SHISA6: variants seen among roughly 807,000 people sequenced by gnomAD.
The protein encoded by SHISA6 is shisa family member 6.
A neutral mutation model predicts 47.9 loss-of-function variants in SHISA6; 22 were observed. The ratio of observed to expected loss-of-function variants is 0.46; its 90% CI spans 0.33 to 0.66. The LOEUF is 0.66. Among genes scored for constraint, SHISA6 ranks in the 30% least tolerant of loss-of-function variants. The pLI is 0.02. For missense variants in SHISA6, 680 were observed against 764.6 expected, an observed-to-expected ratio of 0.89 and a Z score of 1.30; for synonymous variants, 388 against 337.8, an observed-to-expected ratio of 1.15 and a Z score of -1.63.
intron 1 of SHISA6, among the ~76,000 whole-genome samples, chr17:11,257,952 A>G (rs1908079343): frequency 6.6e-6 from 1 of 152,228 alleles, no homozygotes; most frequent in Admixed American, 6.5e-5. Context: ...TGTGAAGAGA[A>G]CTAAAGATTA....
At chr17:11,534,110 G>C (rs1298217924) in intron 3 of SHISA6, among the ~76,000 whole-genome samples, 1 of 149,996 alleles carries the variant, frequency 6.7e-6, no homozygotes, top group Non-Finnish European at 1.5e-5. Flanking sequence ...TTCCCAAATA[G>C]CTGGGATTAC....
intron 2 of SHISA6, among the ~76,000 whole-genome samples, chr17:11,358,088 T>C (rs1380934088): frequency 2.6e-5 from 4 of 152,152 alleles, no homozygotes; most frequent in Non-Finnish European, 4.4e-5. Flanking sequence ...AAGTATACAG[T>C]TTACTGATGT....
rs75434872 is a variant in SHISA6 at position 11,363,287 on chromosome 17, G to T, written c.800-16127G>T. 9.7e-3 allele frequency among the ~76,000 whole-genome samples: 1,479 copies of T among 151,990 alleles called. 22 individuals carry two copies. Among genetic ancestry groups the T allele is most frequent in the African/African-American group, 0.034 (1,388 of 41,428 alleles). ...CTGGTGTCACATTCCCAATCTCTGG[G>T]AATAGTCTTGCTTGCAGAAGAGTGA... On this transcript the variant is annotated intron_variant, in intron 2 of 5. Transcript: ENST00000441885.
chr17:11,431,338 G>C (rs1434115109), intron 3 of SHISA6, among the ~76,000 whole-genome samples: 3 of 152,204 alleles, frequency 2.0e-5, no homozygotes, highest in Non-Finnish European at 4.4e-5. Context: ...GGAGCAGGAA[G>C]AGCTGCCCTT....
intron 3 of SHISA6, among the ~76,000 whole-genome samples, chr17:11,460,923 T>C (rs898053180): frequency 6.6e-6 from 1 of 152,252 alleles, no homozygotes; most frequent in Non-Finnish European, 1.5e-5. Context: ...ATGAATGGAT[T>C]GCAACTGGGA....
intron 1 of SHISA6, among the ~76,000 whole-genome samples, chr17:11,245,970 G>A (rs1037220898): frequency 5.3e-5 from 8 of 152,174 alleles, no homozygotes; most frequent in African/African-American, 1.7e-4. Flanking sequence ...CAGTGGCAGG[G>A]CCCCTTCGCT....
intron 3 of SHISA6, among the ~76,000 whole-genome samples, chr17:11,451,297 T>G (rs1359603600): frequency 6.6e-6 from 1 of 152,194 alleles, no homozygotes; most frequent in Non-Finnish European, 1.5e-5. Context: ...CACATCCAAC[T>G]GGCCTTTTCA....
intron 3 of SHISA6, among the ~76,000 whole-genome samples, chr17:11,428,003 A>G (rs1914650632): frequency 6.6e-6 from 1 of 152,196 alleles, no homozygotes; most frequent in Non-Finnish European, 1.5e-5. Flanking sequence ...AACACTCTGC[A>G]TGTAGAATGA....
chr17:11,356,262 A>G (rs1317843320), intron 2 of SHISA6, among the ~76,000 whole-genome samples: 1 of 152,186 alleles, frequency 6.6e-6, no homozygotes, highest in Non-Finnish European at 1.5e-5. Context: ...CAATCCACAA[A>G]GCATAAGTTA....
At chr17:11,510,547 G>A (rs2071533512) in intron 3 of SHISA6, among the ~76,000 whole-genome samples, 1 of 152,144 alleles carries the variant, frequency 6.6e-6, no homozygotes, top group Non-Finnish European at 1.5e-5. Flanking sequence ...ACAAACCCTG[G>A]GATCTGTTTG....
intron 3 of SHISA6, among the ~76,000 whole-genome samples, chr17:11,419,799 C>T (rs1403920911): frequency 1.3e-5 from 2 of 152,174 alleles, no homozygotes; most frequent in Non-Finnish European, 2.9e-5. Context: ...CACCTTTTCC[C>T]TGGATGACCT....
rs116465832 is a variant in SHISA6, at chr17:11,258,125, A to C, written c.639-5241A>C. On this transcript the variant is annotated intron_variant, in intron 1 of 5. Coordinates refer to ENST00000441885, the MANE Select transcript of SHISA6 (RefSeq NM_207386.4). ...ATTAACCAGAATAGCTTATTCACGG[A>C]ATAGTTCATCTATTTGGCCTTTTAT... Among the ~76,000 whole-genome samples, 904 of 152,342 alleles carry C rather than the reference A, an allele frequency of 5.9e-3. 7 individuals carry two copies. The highest frequency in any genetic ancestry group is 0.021 in the African/African-American group (859 of 41,596).
chr17:11,342,506 G>A (rs1332574223), intron 2 of SHISA6, among the ~76,000 whole-genome samples: 1 of 152,122 alleles, frequency 6.6e-6, no homozygotes, highest in African/African-American at 2.4e-5. Context: ...TCCCAAAGGG[G>A]TGAAAAAACA....
intron 3 of SHISA6, among the ~76,000 whole-genome samples, chr17:11,506,265 CTCTT>C (rs1449737508): frequency 6.6e-6 from 1 of 152,118 alleles, no homozygotes; most frequent in Non-Finnish European, 1.5e-5. Context: ...CTTCTTTTGC[CTCTT>C]TCTGTCTCTC....
intron 2 of SHISA6, among the ~76,000 whole-genome samples, chr17:11,366,102 C>T (rs1178048222): frequency 6.6e-6 from 1 of 152,192 alleles, no homozygotes; most frequent in Non-Finnish European, 1.5e-5. Context: ...GGGAGGGAAG[C>T]TGGCAGGGCC....
chr17:11,460,431 G>T (rs966692218), intron 3 of SHISA6, among the ~76,000 whole-genome samples: 3 of 152,150 alleles, frequency 2.0e-5, no homozygotes, highest in Non-Finnish European at 2.9e-5. Context: ...CACTCTTATT[G>T]CCCAGGCTGG....
intron 3 of SHISA6, among the ~76,000 whole-genome samples, chr17:11,383,400 A>G (rs571479265): frequency 1.4e-4 from 21 of 152,298 alleles, no homozygotes; most frequent in East Asian, 9.7e-4. Flanking sequence ...AATAGTCTCA[A>G]AGGAAGCCTG....
intron 3 of SHISA6, among the ~76,000 whole-genome samples, chr17:11,462,785 G>A (rs148078371): frequency 3.8e-4 from 58 of 152,054 alleles, no homozygotes; most frequent in Non-Finnish European, 6.8e-4. Context: ...GTGCCACCAT[G>A]CCTGGCTAAT....
At chr17:11,388,964 G>A (rs1913300003) in intron 3 of SHISA6, among the ~76,000 whole-genome samples, 1 of 151,744 alleles carries the variant, frequency 6.6e-6, no homozygotes, top group Non-Finnish European at 1.5e-5. Context: ...TATGGGTTCT[G>A]TTGACAAGGA....
Sources: allele counts gnomAD v4.1 joint callset (sites outside exome capture counted in the v4.1 genomes callset), GRCh38; gene constraint gnomAD v4.1.1; transcripts MANE v1.5; gene names NCBI Gene and HGNC (gene_info 2026-07-23, HGNC 2026-07-21).